Variants in DAB1 observed in about 807,000 individuals in gnomAD.
DAB1 encodes DAB adaptor protein 1, also known as disabled homolog 1.
A neutral mutation model predicts 64.6 loss-of-function variants in DAB1; 15 were observed. The observed-to-expected ratio is 0.23, with a 90% CI of 0.16 to 0.36. DAB1 has a LOEUF of 0.36. DAB1 is among the 10% of genes least tolerant of loss of function. The pLI is 1.00. For missense variants in DAB1, 596 were observed against 706.7 expected (o/e 0.84, Z 1.78); for synonymous variants, 235 against 251.9 (o/e 0.93, Z 0.64).
At chr1:57,294,411 T>C (rs147489425) in intron 1 of DAB1, among the ~76,000 whole-genome samples, 100 of 152,164 alleles carry the variant, frequency 6.6e-4, no homozygotes, top group African/African-American at 2.3e-3. Flanking sequence ...TCATGTTTAT[T>C]GATGGGGTGG....
At chr1:57,761,772 T>A (rs1649100617) in intron 6 of DAB1, among the ~76,000 whole-genome samples, 1 of 152,192 alleles carries the variant, frequency 6.6e-6, no homozygotes, top group African/African-American at 2.4e-5. Flanking sequence ...GGGCCCAGAT[T>A]CCAAATGTCA....
intron 7 of DAB1, among the ~76,000 whole-genome samples, chr1:57,470,522 G>A (rs913123833): frequency 3.3e-5 from 5 of 152,128 alleles, no homozygotes; most frequent in African/African-American, 9.7e-5. Context: ...GCTTAATGGT[G>A]GGTTAAGTGT....
At chr1:58,443,630 G>C (rs1645036104) in intron 3 of DAB1, among the ~76,000 whole-genome samples, 1 of 152,174 alleles carries the variant, frequency 6.6e-6, no homozygotes, top group African/African-American at 2.4e-5. Flanking sequence ...CGGAAAGTCA[G>C]GCAAAGGGTA....
chr1:57,726,524 A>G (rs1647212787), intron 6 of DAB1, among the ~76,000 whole-genome samples: 1 of 152,210 alleles, frequency 6.6e-6, no homozygotes, highest in Admixed American at 6.5e-5. Flanking sequence ...GGCTTTGAAT[A>G]AAAGTGAAGG....
chr1:57,152,859 G>C (rs1324761254), intron 2 of DAB1, among the ~76,000 whole-genome samples: 1 of 152,154 alleles, frequency 6.6e-6, no homozygotes, highest in Admixed American at 6.5e-5. Context: ...GTTGGTAAGT[G>C]CTAAAGCTAG....
intron 1 of DAB1, among the ~76,000 whole-genome samples, chr1:57,327,354 C>T (rs745503874): frequency 2.0e-5 from 3 of 152,070 alleles, no homozygotes; most frequent in Non-Finnish European, 2.9e-5. Context: ...GAGAGAGATG[C>T]GCACCAGTCT....
intron 5 of DAB1, among the ~76,000 whole-genome samples, chr1:58,124,611 A>G (rs187939347): frequency 1.3e-4 from 20 of 152,352 alleles, no homozygotes; most frequent in African/African-American, 4.8e-4. Flanking sequence ...ATGATTAAAT[A>G]CTAGGATACA....
intron 11 of DAB1, among the ~76,000 whole-genome samples, chr1:57,021,964 C>A (rs746608305): frequency 5.3e-4 from 80 of 152,162 alleles, no homozygotes; most frequent in Non-Finnish European, 8.8e-4. Context: ...CACTCAAAAG[C>A]CCCCATGCTC....
At chr1:57,910,031 A>G (rs1644617350) in intron 5 of DAB1, among the ~76,000 whole-genome samples, 1 of 152,248 alleles carries the variant, frequency 6.6e-6, no homozygotes, top group Non-Finnish European at 1.5e-5. Context: ...TAAATAGGAC[A>G]GCTGACTTGA....
chr1:57,912,813 A>G (rs1419134505), intron 5 of DAB1, among the ~76,000 whole-genome samples: 2 of 152,214 alleles, frequency 1.3e-5, no homozygotes, highest in Non-Finnish European at 2.9e-5. Flanking sequence ...ACAAACAGAG[A>G]GCCAACTCAT....
At chr1:57,722,421 A>G (rs1317917541) in intron 6 of DAB1, among the ~76,000 whole-genome samples, 1 of 152,212 alleles carries the variant, frequency 6.6e-6, no homozygotes, top group Non-Finnish European at 1.5e-5. Context: ...ATACACTACC[A>G]CTTGCCTCTC....
At chr1:58,174,845 T>G (rs754667459) in intron 4 of DAB1, among the ~76,000 whole-genome samples, 1 of 152,092 alleles carries the variant, frequency 6.6e-6, no homozygotes, top group African/African-American at 2.4e-5. Flanking sequence ...CAGCGCTCTG[T>G]AAAAATGCAC....
At chr1:57,214,648 C>A (rs888670770) in intron 2 of DAB1, among the ~76,000 whole-genome samples, 7 of 152,152 alleles carry the variant, frequency 4.6e-5, no homozygotes, top group Non-Finnish European at 1.0e-4. Flanking sequence ...CAGTGGCTCA[C>A]ACCTGTAATC....
chr1:57,153,394 TC>T, intron 2 of DAB1, among the ~76,000 whole-genome samples: 1 of 152,228 alleles, frequency 6.6e-6, no homozygotes, highest in Middle Eastern at 3.4e-3. Flanking sequence ...TAAATAGACA[TC>T]TTATATTTTT....
chr1:57,420,360 G>A (rs1350801734), intron 1 of DAB1, among the ~76,000 whole-genome samples: 1 of 152,168 alleles, frequency 6.6e-6, no homozygotes, highest in Non-Finnish European at 1.5e-5. Context: ...TGTAATCTCA[G>A]GCCAGTTACC....
chr1:58,393,345 G>T (rs1224273520), intron 3 of DAB1, among the ~76,000 whole-genome samples: 2 of 152,100 alleles, frequency 1.3e-5, no homozygotes, highest in Non-Finnish European at 2.9e-5. Flanking sequence ...GAGATGGAAT[G>T]AATACAAATC....
chr1:58,254,886 C>A (rs1316410022), intron 4 of DAB1, among the ~76,000 whole-genome samples: 1 of 81,120 alleles, frequency 1.2e-5, no homozygotes, highest in African/African-American at 6.7e-5. Flanking sequence ...TTTATAGCAG[C>A]ATGATTTATA....
intron 4 of DAB1, among the ~76,000 whole-genome samples, chr1:58,205,900 T>C (rs1658249531): frequency 1.3e-5 from 2 of 152,214 alleles, no homozygotes; most frequent in South Asian, 4.1e-4. Flanking sequence ...GGAACCCAGT[T>C]AGTCAATGCC....
intron 5 of DAB1, among the ~76,000 whole-genome samples, chr1:58,027,685 C>T (rs1247198268): frequency 2.0e-5 from 3 of 151,986 alleles, no homozygotes; most frequent in Admixed American, 2.0e-4. Context: ...TATTTAACTT[C>T]TCGGAGTCTC....
Sources: gnomAD v4.1 joint callset for allele counts (sites outside exome capture counted in the v4.1 genomes callset) on GRCh38, gnomAD v4.1.1 for gene constraint, MANE v1.5 for transcripts, NCBI Gene and HGNC (gene_info 2026-07-23, HGNC 2026-07-21) for gene names.